Variants in ERC2 observed in about 807,000 individuals in gnomAD.
ERC2 encodes the protein ERC protein 2.
Under a neutral mutation model 114.8 loss-of-function variants are expected in ERC2, and 42 were observed. The ratio of observed to expected loss-of-function variants is 0.37; its 90% CI spans 0.29 to 0.47. The LOEUF is 0.47. ERC2 is among the 20% of genes least tolerant of loss of function. The pLI, the probability that ERC2 is intolerant of heterozygous loss-of-function variation, is 0.99. For missense variants in ERC2, 939 were observed against 1,150.7 expected (o/e 0.82, Z 2.66); for synonymous variants, 454 against 425.5 (o/e 1.07, Z -0.82).
chr3:55,841,706 G>T (rs2061142366), intron 14 of ERC2, among the ~76,000 whole-genome samples: 1 of 151,644 alleles, frequency 6.6e-6, no homozygotes, highest in Non-Finnish European at 1.5e-5. Flanking sequence ...GGTAGAGAAA[G>T]GTTAAATAAT....
At chr3:55,654,801 C>A (rs1277321151) in intron 17 of ERC2, among the ~76,000 whole-genome samples, 1 of 152,190 alleles carries the variant, frequency 6.6e-6, no homozygotes, top group Non-Finnish European at 1.5e-5. Flanking sequence ...TCCCTAATTG[C>A]CAGGTTAGAT....
chr3:56,010,677 A>T, intron 8 of ERC2, 88 bp from the exon 9 acceptor site: 2 of 1,405,080 alleles, frequency 1.4e-6, no homozygotes, highest in South Asian at 1.5e-5. Flanking sequence ...GAGGCAGTAC[A>T]TCTAAGAAAT....
intron 7 of ERC2, among the ~76,000 whole-genome samples, chr3:56,045,859 T>A (rs993033517): frequency 1.3e-5 from 2 of 152,098 alleles, no homozygotes; most frequent in African/African-American, 4.8e-5. Context: ...AGTCAGGGGA[T>A]CATCATATTC....
chr3:56,022,398 A>G (rs1383354126), intron 7 of ERC2, among the ~76,000 whole-genome samples: 1 of 152,176 alleles, frequency 6.6e-6, no homozygotes, highest in Non-Finnish European at 1.5e-5. Context: ...CCAACTACAA[A>G]ATATCAGAAT....
intron 17 of ERC2, among the ~76,000 whole-genome samples, chr3:55,568,314 T>C (rs2056500089): frequency 6.6e-6 from 1 of 152,278 alleles, no homozygotes; most frequent in Non-Finnish European, 1.5e-5. Context: ...CGGGGACCCA[T>C]GTGGTCTAAG....
intron 15 of ERC2, among the ~76,000 whole-genome samples, chr3:55,718,012 T>C (rs1385354630): frequency 6.6e-6 from 1 of 152,122 alleles, no homozygotes; most frequent in African/African-American, 2.4e-5. Flanking sequence ...CGGGATAATT[T>C]TGGGTCCTGC....
intron 12 of ERC2, among the ~76,000 whole-genome samples, chr3:55,977,546 T>C (rs376357836): frequency 1.0e-3 from 155 of 152,354 alleles, no homozygotes; most frequent in African/African-American, 3.5e-3. Flanking sequence ...ATTTTCCACC[T>C]ACCATATTAA....
chr3:55,950,904 G>A (rs928594101), intron 12 of ERC2, among the ~76,000 whole-genome samples: 2 of 152,198 alleles, frequency 1.3e-5, no homozygotes, highest in Non-Finnish European at 2.9e-5. Context: ...AGACAGTGAT[G>A]TGCATGTGTG....
At chr3:56,070,265 A>G (rs2076670342) in intron 7 of ERC2, among the ~76,000 whole-genome samples, 1 of 152,170 alleles carries the variant, frequency 6.6e-6, no homozygotes, top group African/African-American at 2.4e-5. Context: ...AGAAAAACAG[A>G]ATCATCTGCA....
chr3:56,024,356 C>A (rs1001089669), intron 7 of ERC2, among the ~76,000 whole-genome samples: 4 of 152,194 alleles, frequency 2.6e-5, no homozygotes, highest in African/African-American at 7.2e-5. Flanking sequence ...CCGCAGCACC[C>A]AACTGTGTTG....
At chr3:56,245,109 T>C (rs181868528) in intron 3 of ERC2, among the ~76,000 whole-genome samples, 1 of 152,086 alleles carries the variant, frequency 6.6e-6, no homozygotes, top group East Asian at 1.9e-4. Flanking sequence ...GACATTCACA[T>C]GACAAAATCA....
chr3:55,850,710 G>A (rs1417358595), intron 14 of ERC2, among the ~76,000 whole-genome samples: 1 of 152,120 alleles, frequency 6.6e-6, no homozygotes, highest in Non-Finnish European at 1.5e-5. Context: ...ACCCAATGAT[G>A]TCAGACATCA....
chr3:56,420,426 C>T (rs752679139), intron 2 of ERC2, among the ~76,000 whole-genome samples: 1 of 152,030 alleles, frequency 6.6e-6, no homozygotes, highest in African/African-American at 2.4e-5. Context: ...GATCCTCCCA[C>T]TTCTGTCTCA....
intron 16 of ERC2, among the ~76,000 whole-genome samples, chr3:55,688,608 T>C (rs574271244): frequency 6.6e-6 from 1 of 152,316 alleles, no homozygotes; most frequent in African/African-American, 2.4e-5. Context: ...TGGTTGGAAC[T>C]AGAAGCTACA....
At chr3:55,948,092 A>G (rs2067249739) in intron 13 of ERC2, among the ~76,000 whole-genome samples, 1 of 152,228 alleles carries the variant, frequency 6.6e-6, no homozygotes, top group African/African-American at 2.4e-5. Context: ...AATAAAAAGC[A>G]TAGTCACTCT....
intron 3 of ERC2, among the ~76,000 whole-genome samples, chr3:56,186,728 AG>A (rs1366298806): frequency 2.0e-5 from 3 of 152,150 alleles, no homozygotes; most frequent in Non-Finnish European, 4.4e-5. Flanking sequence ...TAATAGAGAC[AG>A]GGTTTCACCA....
chr3:55,997,939 T>TTG (rs1559997429), intron 10 of ERC2, among the ~76,000 whole-genome samples: 8 of 116,536 alleles, frequency 6.9e-5, no homozygotes, highest in South Asian at 6.1e-4. Context: ...GTTTTTTTTT[T>TTG]TTTTTTGGTA....
At chr3:56,389,497 A>T (rs1465088743) in intron 2 of ERC2, among the ~76,000 whole-genome samples, 3 of 152,198 alleles carry the variant, frequency 2.0e-5, no homozygotes. Context: ...GGCCACCTGC[A>T]AATGAAATGA....
chr3:55,802,597 T>G (rs1429377800), intron 14 of ERC2, among the ~76,000 whole-genome samples: 1 of 152,208 alleles, frequency 6.6e-6, no homozygotes, highest in Non-Finnish European at 1.5e-5. Flanking sequence ...GAAGAAATAT[T>G]TGGTTTTCAT....
Sources: gnomAD v4.1 joint callset for allele counts (sites outside exome capture counted in the v4.1 genomes callset) on GRCh38, gnomAD v4.1.1 for gene constraint, MANE v1.5 for transcripts, NCBI Gene and HGNC (gene_info 2026-07-23, HGNC 2026-07-21) for gene names.